TNRC6B: variants seen among roughly 807,000 people sequenced by gnomAD.
TNRC6B encodes trinucleotide repeat-containing gene 6B protein.
Under a neutral mutation model 203.6 loss-of-function variants are expected in TNRC6B, and 52 were observed. That is an observed-to-expected ratio of 0.26 (90% confidence interval 0.20 to 0.32). The LOEUF (loss-of-function observed/expected upper bound fraction) is 0.32. Among genes scored for constraint, TNRC6B ranks in the 10% least tolerant of loss-of-function variants. The pLI, the probability that TNRC6B is intolerant of heterozygous loss-of-function variation, is 1.00. For synonymous variants in TNRC6B, 838 were observed against 845.7 expected, an observed-to-expected ratio of 0.99 and a Z score of 0.16; for missense variants, 1,923 against 2,286.2, an observed-to-expected ratio of 0.84 and a Z score of 3.24.
At chr22:40,261,435 G>T (rs1382188145) in intron 3 of TNRC6B, among the ~76,000 whole-genome samples, 1 of 152,014 alleles carries the variant, frequency 6.6e-6, no homozygotes, top group African/African-American at 2.4e-5. Context: ...AAAATTAGCT[G>T]GTTTTGGTGG....
chr22:40,178,184 G>C, intron 1 of TNRC6B, 44 bp downstream of exon 1: 1 of 1,607,550 alleles, frequency 6.2e-7, no homozygotes, highest in Non-Finnish European at 8.5e-7. Context: ...TGATTTATAT[G>C]GATCTTGTCT....
At chr22:40,223,754 T>C (rs902535780) in intron 1 of TNRC6B, among the ~76,000 whole-genome samples, 2 of 152,246 alleles carry the variant, frequency 1.3e-5, no homozygotes, top group Non-Finnish European at 2.9e-5. Flanking sequence ...TTGCCACATG[T>C]GTAATTCTTT....
At chr22:40,100,663 G>A (rs528548150) in intron 1 of TNRC6B, among the ~76,000 whole-genome samples, 1 of 152,268 alleles carries the variant, frequency 6.6e-6, no homozygotes, top group Non-Finnish European at 1.5e-5. Context: ...TGGGGTTTTG[G>A]GCATGAGCCA....
At chr22:40,149,249 A>ATT (rs1384721674) in intron 3 of TNRC6B, among the ~76,000 whole-genome samples, 1 of 152,226 alleles carries the variant, frequency 6.6e-6, no homozygotes, top group Non-Finnish European at 1.5e-5. Flanking sequence ...TGAGTAAAAG[A>ATT]AGCCAGACAG....
At chr22:40,239,958 C>G (rs1045916362) in intron 1 of TNRC6B, among the ~76,000 whole-genome samples, 2 of 152,080 alleles carry the variant, frequency 1.3e-5, no homozygotes, top group African/African-American at 4.8e-5. Flanking sequence ...CTGCCTCAGC[C>G]TCCCAAGCAG....
chr22:40,096,707 T>C (rs1019993789), intron 1 of TNRC6B, among the ~76,000 whole-genome samples: 10 of 152,204 alleles, frequency 6.6e-5, no homozygotes, highest in South Asian at 4.1e-4. Flanking sequence ...TGCCAACGAA[T>C]GTCTATAAAA....
intron 3 of TNRC6B, among the ~76,000 whole-genome samples, chr22:40,131,894 T>A (rs1366606995): frequency 6.6e-6 from 1 of 152,200 alleles, no homozygotes; most frequent in African/African-American, 2.4e-5. Context: ...AACATATCCT[T>A]TGGAGGAACA....
intron 4 of TNRC6B, among the ~76,000 whole-genome samples, chr22:40,171,606 G>A (rs1187832237): frequency 6.6e-6 from 1 of 152,058 alleles, no homozygotes; most frequent in African/African-American, 2.4e-5. Context: ...CTAAGTCTCT[G>A]AAAAGCTTAT....
intron 22 of TNRC6B, 21 bp from the exon 23 acceptor site, chr22:40,322,833 T>C (rs1482333204): frequency 6.2e-7 from 1 of 1,613,408 alleles, no homozygotes; most frequent in Non-Finnish European, 8.5e-7. Flanking sequence ...TCCATAGCTC[T>C]CTTTCCCTCC....
chr22:40,155,591 A>G (rs1477004859), intron 3 of TNRC6B, among the ~76,000 whole-genome samples: 1 of 151,944 alleles, frequency 6.6e-6, no homozygotes, highest in Non-Finnish European at 1.5e-5. Context: ...CTGGCTGACA[A>G]AACTGCTTTT....
intron 1 of TNRC6B, among the ~76,000 whole-genome samples, chr22:40,091,699 A>G (rs2068152150): frequency 6.6e-6 from 1 of 152,238 alleles, no homozygotes; most frequent in South Asian, 2.1e-4. Context: ...AGGCAGGGAT[A>G]CCAATAAGGG....
intron 1 of TNRC6B, among the ~76,000 whole-genome samples, chr22:40,095,178 C>T (rs2068178094): frequency 6.6e-6 from 1 of 152,126 alleles, no homozygotes; most frequent in South Asian, 2.1e-4. Flanking sequence ...TTTGCTACCT[C>T]TGTGATTTTA....
intron 2 of TNRC6B, among the ~76,000 whole-genome samples, chr22:40,119,904 T>C (rs1050781101): frequency 2.0e-5 from 3 of 151,526 alleles, no homozygotes; most frequent in South Asian, 2.1e-4. Flanking sequence ...AAGAATGTTA[T>C]CAAGGTTTGT....
chr22:40,320,855 T>A (rs2071325563), intron 21 of TNRC6B, among the ~76,000 whole-genome samples: 1 of 152,212 alleles, frequency 6.6e-6, no homozygotes, highest in African/African-American at 2.4e-5. Context: ...CTTACATTCT[T>A]ACATGGATAC....
intron 4 of TNRC6B, chr22:40,156,259 G>A (rs911353283): frequency 7.1e-7 from 1 of 1,410,938 alleles, no homozygotes; most frequent in Non-Finnish European, 9.8e-7. Context: ...TGATAAGCGT[G>A]TTTGTCAGAG....
intron 2 of TNRC6B, among the ~76,000 whole-genome samples, chr22:40,124,684 C>G (rs192328880): frequency 6.6e-6 from 1 of 152,036 alleles, no homozygotes. Flanking sequence ...ATATTCATAC[C>G]TGTATTATAA....
At chr22:40,146,529 G>A (rs2068696693) in intron 3 of TNRC6B, among the ~76,000 whole-genome samples, 1 of 151,418 alleles carries the variant, frequency 6.6e-6, no homozygotes, top group African/African-American at 2.4e-5. Context: ...CAAGTAGCTG[G>A]GATTACAGGC....
rs1026347668 is a variant in TNRC6B at position 40,287,897 on chromosome 22, C to A, written c.3708+2127C>A. 2.2e-4 allele frequency among the ~76,000 whole-genome samples: 34 copies of A among 152,264 alleles called. 1 individual carries two copies. Among genetic ancestry groups the A allele is most frequent in the Admixed American group, 1.5e-3 (23 of 15,284 alleles). ...AAATGTTTAACAGAGTTTGGGTAAT[C>A]GGCTGAGCCTTCACACTAGCAGTGA... On this transcript the variant is annotated intron_variant, in intron 12 of 22. Coordinates refer to ENST00000454349, the MANE Select transcript of TNRC6B (RefSeq NM_001162501.2).
chr22:40,278,853 G>A (rs576134345), intron 9 of TNRC6B, among the ~76,000 whole-genome samples: 4 of 152,228 alleles, frequency 2.6e-5, no homozygotes, highest in South Asian at 4.1e-4. Context: ...GATTTTTCCC[G>A]CCTGAGTCTC....
Sources: allele counts gnomAD v4.1 joint callset (sites outside exome capture counted in the v4.1 genomes callset), GRCh38; gene constraint gnomAD v4.1.1; transcripts MANE v1.5; gene names NCBI Gene and HGNC (gene_info 2026-07-23, HGNC 2026-07-21).